Variants in NALF1 observed in about 807,000 individuals in gnomAD.
NALF1 encodes the protein family with sequence similarity 155 member A.
In NALF1, 3 loss-of-function variants were observed where a neutral mutation model predicts 48.4. The observed-to-expected ratio is 0.06, with a 90% CI of 0.03 to 0.16. The LOEUF (loss-of-function observed/expected upper bound fraction) is 0.16, where lower values mean the gene tolerates loss of function less well. NALF1 is among the 10% of genes least tolerant of loss of function. The pLI is 1.00. For synonymous variants in NALF1, 262 were observed against 245.7 expected, an observed-to-expected ratio of 1.07 and a Z score of -0.62; for missense variants, 526 against 571.5, an observed-to-expected ratio of 0.92 and a Z score of 0.81.
At chr13:107,369,605 G>A (rs1594140617) in intron 1 of NALF1, among the ~76,000 whole-genome samples, 1 of 151,962 alleles carries the variant, frequency 6.6e-6, no homozygotes, top group Non-Finnish European at 1.5e-5. Flanking sequence ...CATGATCACA[G>A]AATAAATGAT....
chr13:107,330,423 G>A (rs1161081274), intron 1 of NALF1, among the ~76,000 whole-genome samples: 1 of 152,084 alleles, frequency 6.6e-6, no homozygotes, highest in African/African-American at 2.4e-5. Context: ...ATGAAATTGT[G>A]GGGAATCACA....
intron 1 of NALF1, among the ~76,000 whole-genome samples, chr13:107,729,079 G>C (rs536505533): frequency 6.6e-6 from 1 of 152,152 alleles, no homozygotes; most frequent in East Asian, 1.9e-4. Flanking sequence ...TTCACTCTAT[G>C]GACCACCAAC....
At chr13:107,220,629 T>A (rs1039940183) in intron 1 of NALF1, among the ~76,000 whole-genome samples, 9 of 152,050 alleles carry the variant, frequency 5.9e-5, no homozygotes, top group African/African-American at 1.9e-4. Context: ...GTAGGGCAGG[T>A]TAAAAATTTC....
intron 1 of NALF1, among the ~76,000 whole-genome samples, chr13:107,811,828 A>G (rs1057102084): frequency 5.3e-5 from 8 of 152,152 alleles, no homozygotes; most frequent in Non-Finnish European, 7.4e-5. Flanking sequence ...ATAAGGGCAG[A>G]GCCCTCATGG....
intron 1 of NALF1, among the ~76,000 whole-genome samples, chr13:107,642,833 A>G (rs1419278301): frequency 6.6e-6 from 1 of 152,208 alleles, no homozygotes; most frequent in African/African-American, 2.4e-5. Context: ...GTATGTGCTC[A>G]TGCCAGAACC....
At chr13:107,757,454 A>G (rs1448025620) in intron 1 of NALF1, among the ~76,000 whole-genome samples, 1 of 142,542 alleles carries the variant, frequency 7.0e-6, no homozygotes, top group African/African-American at 2.6e-5. Flanking sequence ...GGTACTATCG[A>G]AAGTCTATGT....
chr13:107,246,503 A>T (rs568546035), intron 1 of NALF1, among the ~76,000 whole-genome samples: 74 of 152,264 alleles, frequency 4.9e-4, no homozygotes, highest in African/African-American at 1.7e-3. Flanking sequence ...ATCGATTTTT[A>T]AAAAAAGTCT....
intron 1 of NALF1, among the ~76,000 whole-genome samples, chr13:107,342,415 C>T (rs1260579953): frequency 1.3e-5 from 2 of 152,162 alleles, no homozygotes; most frequent in African/African-American, 2.4e-5. Flanking sequence ...ATGAAAAATG[C>T]CTCAGGATAT....
chr13:107,263,628 T>C (rs971154760), intron 1 of NALF1, among the ~76,000 whole-genome samples: 12 of 152,158 alleles, frequency 7.9e-5, no homozygotes, highest in African/African-American at 2.4e-4. Flanking sequence ...TTTCATTTGG[T>C]TCTCATTCTC....
intron 1 of NALF1, among the ~76,000 whole-genome samples, chr13:107,324,884 T>C (rs1882322667): frequency 6.6e-6 from 1 of 152,248 alleles, no homozygotes; most frequent in African/African-American, 2.4e-5. Flanking sequence ...CAATGCCATG[T>C]AGATCATTTC....
intron 1 of NALF1, among the ~76,000 whole-genome samples, chr13:107,730,572 T>G (rs967671322): frequency 6.6e-6 from 1 of 152,190 alleles, no homozygotes; most frequent in African/African-American, 2.4e-5. Flanking sequence ...AACTAATACT[T>G]GCTTTTCTAA....
intron 1 of NALF1, among the ~76,000 whole-genome samples, chr13:107,572,603 C>T (rs1350637688): frequency 2.0e-5 from 3 of 152,244 alleles, no homozygotes; most frequent in African/African-American, 4.8e-5. Flanking sequence ...GAACTCGTCA[C>T]ATTGCAAGGA....
At chr13:107,613,731 G>A (rs972581822) in intron 1 of NALF1, among the ~76,000 whole-genome samples, 1 of 152,176 alleles carries the variant, frequency 6.6e-6, no homozygotes, top group African/African-American at 2.4e-5. Context: ...ATAGCGCTTA[G>A]CACAAAGTAA....
At chr13:107,275,658 A>G (rs2138868010) in intron 1 of NALF1, among the ~76,000 whole-genome samples, 1 of 152,296 alleles carries the variant, frequency 6.6e-6, no homozygotes. Flanking sequence ...GGTAAAACAT[A>G]GATTAAATTC....
chr13:107,559,582 G>A (rs750717829), intron 1 of NALF1, among the ~76,000 whole-genome samples: 1 of 152,138 alleles, frequency 6.6e-6, no homozygotes, highest in Non-Finnish European at 1.5e-5. Context: ...GTGTCCCTGT[G>A]CATCCTTAGG....
At chr13:107,836,840 T>C (rs1435951915) in intron 1 of NALF1, among the ~76,000 whole-genome samples, 1 of 152,200 alleles carries the variant, frequency 6.6e-6, no homozygotes, top group Non-Finnish European at 1.5e-5. Flanking sequence ...TTAGGTGATG[T>C]TATTCACAGC....
intron 1 of NALF1, among the ~76,000 whole-genome samples, chr13:107,580,907 A>C (rs1478921645): frequency 1.3e-5 from 2 of 152,192 alleles, no homozygotes; most frequent in African/African-American, 4.8e-5. Context: ...AGAAAGAAAG[A>C]GTCACCTTAA....
intron 1 of NALF1, among the ~76,000 whole-genome samples, chr13:107,596,200 C>T (rs947737086): frequency 6.6e-6 from 1 of 152,126 alleles, no homozygotes; most frequent in African/African-American, 2.4e-5. Flanking sequence ...TCTAAAGAAA[C>T]TCAAGTGCCT....
intron 1 of NALF1, among the ~76,000 whole-genome samples, chr13:107,651,808 A>C (rs752271908): frequency 4.6e-5 from 7 of 152,178 alleles, no homozygotes; most frequent in Non-Finnish European, 8.8e-5. Context: ...ATTGAGATCT[A>C]GTCTAATTAA....
Sources: gnomAD v4.1 joint callset for allele counts (sites outside exome capture counted in the v4.1 genomes callset) on GRCh38, gnomAD v4.1.1 for gene constraint, MANE v1.5 for transcripts, NCBI Gene and HGNC (gene_info 2026-07-23, HGNC 2026-07-21) for gene names.